Variants in ANKRD55 observed in about 807,000 individuals in gnomAD.
ANKRD55 encodes the protein ankyrin repeat domain-containing protein 55.
In ANKRD55, 41 loss-of-function variants were observed where a neutral mutation model predicts 60.6. That is an observed-to-expected ratio of 0.68 (90% CI 0.53 to 0.88). The LOEUF (loss-of-function observed/expected upper bound fraction) is 0.88. ANKRD55 is among the 40% of genes least tolerant of loss of function. The pLI is 0.00. For missense variants in ANKRD55, 732 were observed against 767.6 expected, an observed-to-expected ratio of 0.95 and a Z score of 0.55; for synonymous variants, 264 against 290.3, an observed-to-expected ratio of 0.91 and a Z score of 0.92.
At chr5:56,115,221 T>TAAAC (rs1756852214) in intron 9 of ANKRD55, among the ~76,000 whole-genome samples, 1 of 146,832 alleles carries the variant, frequency 6.8e-6, no homozygotes, top group African/African-American at 2.5e-5. Context: ...TAATAATAAA[T>TAAAC]AAATAAATAA....
intron 2 of ANKRD55, among the ~76,000 whole-genome samples, chr5:56,219,319 A>T (rs532234034): frequency 6.6e-5 from 10 of 151,852 alleles, no homozygotes; most frequent in African/African-American, 2.2e-4. Flanking sequence ...TTTGAATACT[A>T]TTGAATATTA....
intron 5 of ANKRD55, among the ~76,000 whole-genome samples, chr5:56,170,159 G>GCCTCCTCCCA (rs1561279271): frequency 6.6e-6 from 1 of 152,120 alleles, no homozygotes; most frequent in African/African-American, 2.4e-5. Context: ...CCTAGAGGCT[G>GCCTCCTCCCA]GCATGGCCCT....
intron 11 of ANKRD55, among the ~76,000 whole-genome samples, chr5:56,101,946 G>T (rs547412001): frequency 6.6e-6 from 1 of 151,982 alleles, no homozygotes; most frequent in East Asian, 1.9e-4. Flanking sequence ...AAATAAACTT[G>T]TTATTGTTTC....
At chr5:56,218,951 C>T (rs1341010363) in intron 2 of ANKRD55, among the ~76,000 whole-genome samples, 1 of 152,068 alleles carries the variant, frequency 6.6e-6, no homozygotes, top group Non-Finnish European at 1.5e-5. Context: ...CTTATTTTTA[C>T]AACATATCTG....
chr5:56,210,391 T>C (rs534795676), intron 2 of ANKRD55, among the ~76,000 whole-genome samples: 1 of 151,540 alleles, frequency 6.6e-6, no homozygotes, highest in East Asian at 1.9e-4. Flanking sequence ...TGAAACCCCG[T>C]CTCTACTAAA....
chr5:56,215,087 T>C (rs2111879702), intron 2 of ANKRD55, among the ~76,000 whole-genome samples: 1 of 152,200 alleles, frequency 6.6e-6, no homozygotes, highest in Admixed American at 6.5e-5. Context: ...AAGAATTCTT[T>C]TTTTTTTTAA....
chr5:56,203,802 G>A (rs1464316013), intron 2 of ANKRD55, among the ~76,000 whole-genome samples: 1 of 152,192 alleles, frequency 6.6e-6, no homozygotes, highest in East Asian at 1.9e-4. Context: ...ACATATGTGT[G>A]CATGTGTCTT....
At chr5:56,185,351 T>C (rs938482735) in intron 2 of ANKRD55, among the ~76,000 whole-genome samples, 1 of 152,030 alleles carries the variant, frequency 6.6e-6, no homozygotes, top group Non-Finnish European at 1.5e-5. Flanking sequence ...GTTCCTCCCA[T>C]GCACGCCTCC....
intron 2 of ANKRD55, among the ~76,000 whole-genome samples, chr5:56,220,008 A>T (rs369716815): frequency 3.3e-5 from 5 of 152,224 alleles, no homozygotes; most frequent in Non-Finnish European, 5.9e-5. Context: ...AGAGCTCAGC[A>T]TGGTGGCCCA....
At chr5:56,105,623 T>C (rs1258153723) in intron 10 of ANKRD55, among the ~76,000 whole-genome samples, 1 of 151,954 alleles carries the variant, frequency 6.6e-6, no homozygotes, top group Non-Finnish European at 1.5e-5. Context: ...TCTGAAGAGG[T>C]AGGGGTGGGG....
intron 3 of ANKRD55, among the ~76,000 whole-genome samples, chr5:56,177,419 T>C (rs1261950359): frequency 1.3e-5 from 2 of 152,154 alleles, no homozygotes; most frequent in South Asian, 2.1e-4. Context: ...AAAAAGGACA[T>C]GCTGCAAAAG....
chr5:56,132,666 A>G (rs563317500), intron 7 of ANKRD55, among the ~76,000 whole-genome samples: 5 of 152,054 alleles, frequency 3.3e-5, no homozygotes, highest in Non-Finnish European at 7.4e-5. Context: ...CTCTAACTAT[A>G]TGAATAATCA....
chr5:56,157,600 C>A (rs114007701), intron 6 of ANKRD55, among the ~76,000 whole-genome samples: 1 of 152,186 alleles, frequency 6.6e-6, no homozygotes, highest in Non-Finnish European at 1.5e-5. Flanking sequence ...GACACGCTGG[C>A]GGCAATACTG....
chr5:56,100,116 A>C lies in ANKRD55; in HGVS notation c.*67T>G. On this transcript the variant is annotated 3_prime_UTR_variant, in exon 12 of 12. Transcript: ENST00000341048. Reference sequence around the variant, plus strand: ...ATTGGTCTTCGTTCTTACAAACTGGAGTAATCTTGTCCTTTGAGAGTTGAA... The same window carrying C: ...ATTGGTCTTCGTTCTTACAAACTGGCGTAATCTTGTCCTTTGAGAGTTGAA... 2 of 1,605,668 alleles carry C rather than the reference A, an allele frequency of 1.2e-6. No homozygotes were observed. Among genetic ancestry groups the C allele is most frequent in the Non-Finnish European group, 1.7e-6 (2 of 1,173,582 alleles).
intron 2 of ANKRD55, among the ~76,000 whole-genome samples, chr5:56,220,871 G>A (rs545531209): frequency 6.6e-6 from 1 of 152,196 alleles, no homozygotes; most frequent in South Asian, 2.1e-4. Context: ...GCCTAGACTT[G>A]TTCAGGAGTG....
rs766207133 is a variant in ANKRD55 at position 56,100,283 on chromosome 5, C to T, written c.1745G>A (p.Arg582Gln). ...AATTGCAGGAAGCACTCGGTTTGTC[C>T]GCAGAGGTTCTCCAGATAGAACTGG... ...DQKFLSGEPL[R>Q]TNRVLPAIPS... The change falls in exon 12 of 12, where the codon CGG (arginine) becomes CAG (glutamine). Residue 582 changes from arginine (R) to glutamine (Q), a missense_variant. By Grantham distance (43) the Arg-to-Gln change is conservative. Around this residue, in one of 3 missense-constraint regions of ANKRD55, gnomAD observed 597 missense variants for 607.5 expected, o/e 0.98. Transcript: ENST00000341048. 2.8e-5 allele frequency: 45 copies of T among 1,613,956 alleles called. No individual in the cohort carries two copies. The highest frequency in any genetic ancestry group is 2.2e-4 in the Admixed American group (13 of 59,982).
At chr5:56,206,022 C>A (rs1309207280) in intron 2 of ANKRD55, among the ~76,000 whole-genome samples, 1 of 148,586 alleles carries the variant, frequency 6.7e-6, no homozygotes, top group East Asian at 2.0e-4. Context: ...ATCGCCCAGG[C>A]TGGAGTTTAG....
At chr5:56,140,267 T>C (rs1324828295) in intron 7 of ANKRD55, among the ~76,000 whole-genome samples, 1 of 152,228 alleles carries the variant, frequency 6.6e-6, no homozygotes, top group Non-Finnish European at 1.5e-5. Flanking sequence ...GTAATAATGA[T>C]TTCAGCTGAC....
chr5:56,128,411 C>T (rs1580962221), intron 7 of ANKRD55, among the ~76,000 whole-genome samples: 1 of 152,162 alleles, frequency 6.6e-6, no homozygotes, highest in East Asian at 1.9e-4. Flanking sequence ...GAGGCTGCTG[C>T]TTCTGGGATC....
Sources: gnomAD v4.1 joint callset for allele counts (sites outside exome capture counted in the v4.1 genomes callset) on GRCh38, gnomAD v4.1.1 for gene constraint, gnomAD v4.1.1 regional missense constraint, MANE v1.5 for transcripts, NCBI Gene and HGNC (gene_info 2026-07-23, HGNC 2026-07-21) for gene names.